The following SPAG9 variants were observed in gnomAD, a reference collection of about 807,000 sequenced individuals.
SPAG9 encodes the protein sperm associated antigen 9.
In SPAG9, 35 loss-of-function variants were observed where a neutral mutation model predicts 166.5. The ratio of observed to expected loss-of-function variants is 0.21; its 90% confidence interval spans 0.16 to 0.28. SPAG9 has a LOEUF of 0.28. Among genes scored for constraint, SPAG9 ranks in the 10% least tolerant of loss-of-function variants. The pLI is 1.00. For missense variants in SPAG9, 1,235 were observed against 1,603.3 expected, an observed-to-expected ratio of 0.77 and a Z score of 3.92; for synonymous variants, 534 against 565.5, an observed-to-expected ratio of 0.94 and a Z score of 0.79.
chr17:51,001,410 C>T (rs951964508), intron 13 of SPAG9, among the ~76,000 whole-genome samples: 1 of 152,158 alleles, frequency 6.6e-6, no homozygotes, highest in Non-Finnish European at 1.5e-5. Flanking sequence ...AAATTGTGAT[C>T]TTTTCCTGAC....
chr17:51,077,289 A>C (rs1004289266), intron 2 of SPAG9, among the ~76,000 whole-genome samples: 1 of 151,894 alleles, frequency 6.6e-6, no homozygotes, highest in Non-Finnish European at 1.5e-5. Context: ...ATGTCCGGCT[A>C]ATTTTGTATT....
At chr17:51,064,733 T>C (rs2047612388) in intron 2 of SPAG9, among the ~76,000 whole-genome samples, 1 of 152,006 alleles carries the variant, frequency 6.6e-6, no homozygotes, top group South Asian at 2.1e-4. Flanking sequence ...GAGGGGGTGG[T>C]TCTTCTTGGG....
chr17:50,975,980 A>G, intron 27 of SPAG9: 2 of 1,087,488 alleles, frequency 1.8e-6, no homozygotes, highest in Non-Finnish European at 2.7e-6. Flanking sequence ...CACCACTCTC[A>G]GCGTCTTCTA....
At chr17:50,975,828 C>T in intron 27 of SPAG9, 1 of 1,513,232 alleles carries the variant, frequency 6.6e-7, no homozygotes, top group East Asian at 2.5e-5. Flanking sequence ...TATTAGAAGC[C>T]AGGAAGAAGA....
intron 29 of SPAG9, among the ~76,000 whole-genome samples, chr17:50,970,318 A>G (rs1323692448): frequency 6.6e-6 from 1 of 152,134 alleles, no homozygotes; most frequent in Non-Finnish European, 1.5e-5. Context: ...GTTTGAGAAT[A>G]GCCTGGCCAA....
chr17:50,977,676 T>C (rs527916355), intron 26 of SPAG9, among the ~76,000 whole-genome samples: 1 of 152,212 alleles, frequency 6.6e-6, no homozygotes, highest in South Asian at 2.1e-4. Context: ...GACTGCTTGA[T>C]CCCAGGAGTT....
At chr17:51,066,576 A>G (rs1464354991) in intron 2 of SPAG9, among the ~76,000 whole-genome samples, 2 of 150,226 alleles carry the variant, frequency 1.3e-5, no homozygotes, top group Non-Finnish European at 3.0e-5. Flanking sequence ...AGAAAAAAAA[A>G]AAAAAGACCA....
intron 12 of SPAG9, among the ~76,000 whole-genome samples, chr17:51,003,507 C>T (rs2143985492): frequency 6.6e-6 from 1 of 152,238 alleles, no homozygotes; most frequent in Middle Eastern, 3.4e-3. Flanking sequence ...TACCAAGGTA[C>T]TCAACTATAA....
intron 29 of SPAG9, among the ~76,000 whole-genome samples, chr17:50,967,331 T>C (rs1403340966): frequency 6.6e-6 from 1 of 151,494 alleles, no homozygotes; most frequent in Non-Finnish European, 1.5e-5. Flanking sequence ...AATTTTGTAA[T>C]GTGCCCCATG....
At chr17:51,073,529 A>G (rs896207864) in intron 2 of SPAG9, among the ~76,000 whole-genome samples, 14 of 152,062 alleles carry the variant, frequency 9.2e-5, no homozygotes, top group African/African-American at 3.4e-4. Flanking sequence ...AAAAATAAGA[A>G]GCTTTGATTC....
At chr17:50,982,024 C>T (rs1429899427) in intron 25 of SPAG9, among the ~76,000 whole-genome samples, 1 of 149,758 alleles carries the variant, frequency 6.7e-6, no homozygotes, top group Non-Finnish European at 1.5e-5. Flanking sequence ...CAGAGCAAGA[C>T]TCTGTCTCAG....
chr17:51,014,543 G>C lies in SPAG9; in HGVS notation c.1092-190C>G, dbSNP rs1350782753. On this transcript the variant is annotated intron_variant, in intron 8 of 29. Coordinates refer to ENST00000262013, the MANE Select transcript of SPAG9 (RefSeq NM_001130528.3). Reference sequence around the variant, plus strand: ...CTCACTAAGCTCCATGGAAATAGCTGGTGAAGAAATTATAGAATGTTTTTG... The same window carrying C: ...CTCACTAAGCTCCATGGAAATAGCTCGTGAAGAAATTATAGAATGTTTTTG... 6.3e-5 allele frequency: 30 copies of C among 479,798 alleles called. No homozygotes were observed. In the East Asian group the frequency reaches 9.9e-4, roughly 16 times the overall value. 29.7% of individuals were successfully genotyped at this position (479,798 alleles called of 1,614,324 possible).
chr17:51,120,233 T>G lies in SPAG9; in HGVS notation c.303+121A>C. The G allele has an allele frequency of 1.1e-6, 1 of 874,042 alleles. No individual in the cohort carries two copies. Among genetic ancestry groups the G allele is most frequent in the Non-Finnish European group, 1.6e-6 (1 of 611,796 alleles). The allele number at this position is 874,042 out of a possible 1,614,324, so 54.1% of individuals were successfully genotyped here. A position where few individuals can be genotyped will look rare whatever the true frequency, so the allele number is the denominator to read the frequency against. ...CCGCCGGGATCGGTCCCAGGGGGCA[T>G]CGGCCTCAGGCCCGCCCTCCAGGAG... On this transcript the variant is annotated intron_variant, in intron 1 of 29. Coordinates refer to ENST00000262013, the MANE Select transcript of SPAG9 (RefSeq NM_001130528.3). The surrounding 1 kb of genome is among the most constrained non-coding windows in gnomAD (Gnocchi z 4.7).
At chr17:51,097,506 C>A (rs2048678891) in intron 1 of SPAG9, among the ~76,000 whole-genome samples, 1 of 151,988 alleles carries the variant, frequency 6.6e-6, no homozygotes, top group Non-Finnish European at 1.5e-5. Context: ...ACAGCAAGAC[C>A]TTCATCTCAT....
intron 2 of SPAG9, among the ~76,000 whole-genome samples, chr17:51,073,200 C>T (rs572560515): frequency 7.9e-5 from 12 of 151,942 alleles, no homozygotes; most frequent in African/African-American, 2.9e-4. Context: ...TGGTGGTGGG[C>T]GCCTGTAGTC....
At chr17:51,033,881 C>T (rs1380567056) in intron 5 of SPAG9, among the ~76,000 whole-genome samples, 5 of 152,196 alleles carry the variant, frequency 3.3e-5, no homozygotes, top group Non-Finnish European at 2.9e-5. Flanking sequence ...TAATAAATAC[C>T]TATGTGCCAA....
chr17:51,063,751 A>G (rs1209930702), intron 2 of SPAG9, among the ~76,000 whole-genome samples: 2 of 150,286 alleles, frequency 1.3e-5, no homozygotes, highest in South Asian at 4.3e-4. Flanking sequence ...GTGTGGTGGC[A>G]CATGCCTGTA....
At chr17:51,057,381 G>A (rs1209417909) in intron 2 of SPAG9, among the ~76,000 whole-genome samples, 1 of 152,172 alleles carries the variant, frequency 6.6e-6, no homozygotes, top group Non-Finnish European at 1.5e-5. Context: ...GAAAGCCTTA[G>A]CATAGTTGAA....
chr17:51,002,425 G>C (rs371189069), intron 12 of SPAG9, among the ~76,000 whole-genome samples: 8 of 152,120 alleles, frequency 5.3e-5, no homozygotes, highest in East Asian at 3.8e-4. Context: ...AAATCATAAA[G>C]AGTAGTGTGG....
Sources: allele counts gnomAD v4.1 joint callset (sites outside exome capture counted in the v4.1 genomes callset), GRCh38; gene constraint gnomAD v4.1.1; non-coding constraint Gnocchi (gnomAD v3.1); transcripts MANE v1.5; gene names NCBI Gene and HGNC (gene_info 2026-07-23, HGNC 2026-07-21).